The following CHRDL1 variants were observed in gnomAD, a reference collection of about 807,000 sequenced individuals.
CHRDL1 encodes the protein chordin like 1, also known as chordin-like protein 1.
In CHRDL1, 19 loss-of-function variants were observed where a neutral mutation model predicts 40.9. The ratio of observed to expected loss-of-function variants is 0.46; its 90% CI spans 0.32 to 0.68. The LOEUF is 0.68. Ranked by LOEUF, CHRDL1 falls within the 30% of genes least tolerant of loss-of-function variation. The pLI is 0.03. For missense variants in CHRDL1, 329 were observed against 352.1 expected (o/e 0.93, Z 0.53); for synonymous variants, 136 against 123.4 (o/e 1.10, Z -0.68).
Position 110,681,462 on chromosome X carries a change from A to C in CHRDL1, c.1156+20T>G. On this transcript the variant is annotated intron_variant, in intron 10 of 11. Coordinates refer to ENST00000372042, the MANE Select transcript of CHRDL1 (RefSeq NM_001143981.2). ...CTGTGCCCCCTTACAAAGATGAGAA[A>C]TTAATGTTGTCTTGCTCACCCTTTC... 8.4e-7 allele frequency: 1 copy of C among 1,191,791 alleles called. No individual in the cohort carries two copies. Among genetic ancestry groups the C allele is most frequent in the South Asian group, 1.8e-5 (1 of 54,901 alleles).
intron 6 of CHRDL1, among the ~76,000 whole-genome samples, chrX:110,714,059 C>T (rs760356092): frequency 9.2e-6 from 1 of 109,246 alleles, no homozygotes; most frequent in South Asian, 4.0e-4. Flanking sequence ...AAAAAAAAAA[C>T]TTTTATTTTA....
intron 2 of CHRDL1, among the ~76,000 whole-genome samples, chrX:110,772,493 G>T (rs2089776449): frequency 8.9e-6 from 1 of 112,429 alleles, no homozygotes; most frequent in African/African-American, 3.2e-5. Flanking sequence ...ACAAAAATTA[G>T]CCAGGCATGG....
At chrX:110,723,615 A>C (rs1253961677) in intron 4 of CHRDL1, among the ~76,000 whole-genome samples, 1 of 111,600 alleles carries the variant, frequency 9.0e-6, no homozygotes, top group Non-Finnish European at 1.9e-5. Flanking sequence ...CACTATCAAA[A>C]AAAGTGCCAA....
chrX:110,778,755 C>T (rs922662531), intron 2 of CHRDL1, among the ~76,000 whole-genome samples: 4 of 111,858 alleles, frequency 3.6e-5, no homozygotes, highest in Non-Finnish European at 7.6e-5. Flanking sequence ...ATTGGGTATA[C>T]ACCCAAAGGA....
chrX:110,793,466 C>T (rs953266897), intron 1 of CHRDL1, among the ~76,000 whole-genome samples: 2 of 112,021 alleles, frequency 1.8e-5, no homozygotes, highest in African/African-American at 3.2e-5. Context: ...TCTCTCAGGA[C>T]ATGTTCCTAC....
intron 1 of CHRDL1, among the ~76,000 whole-genome samples, chrX:110,794,312 C>A (rs982278749): frequency 1.8e-5 from 2 of 112,018 alleles, no homozygotes; most frequent in African/African-American, 6.5e-5. Flanking sequence ...GGAGTTATTT[C>A]TGCATTAACT....
At chrX:110,726,087 A>G in intron 4 of CHRDL1, among the ~76,000 whole-genome samples, 1 of 111,475 alleles carries the variant, frequency 9.0e-6, no homozygotes, top group African/African-American at 3.3e-5. Context: ...AAGGCCTTGA[A>G]AGAAACCCCT....
intron 2 of CHRDL1, among the ~76,000 whole-genome samples, chrX:110,782,747 C>G (rs1305994825): frequency 1.8e-5 from 2 of 112,241 alleles, no homozygotes; most frequent in Non-Finnish European, 3.8e-5. Flanking sequence ...ATTACCCCAG[C>G]TAAAAGTTAT....
chrX:110,783,252 C>T (rs1051516757), intron 2 of CHRDL1, among the ~76,000 whole-genome samples: 1 of 111,853 alleles, frequency 8.9e-6, no homozygotes, highest in Non-Finnish European at 1.9e-5. Context: ...CTCAGCATCC[C>T]GAGTAGCTGG....
chrX:110,709,424 C>T (rs1679854), intron 6 of CHRDL1, among the ~76,000 whole-genome samples: 9,382 of 111,910 alleles, frequency 0.084, 899 homozygotes, highest in African/African-American at 0.28. Context: ...AAGATAACTG[C>T]ATGCCTGCAC....
At chrX:110,756,614 T>C (rs1177320485) in intron 4 of CHRDL1, among the ~76,000 whole-genome samples, 3 of 111,421 alleles carry the variant, frequency 2.7e-5, no homozygotes, top group African/African-American at 6.5e-5. Flanking sequence ...CATTAATATA[T>C]GACCTGGTTT....
chrX:110,742,839 A>G (rs758502506), intron 4 of CHRDL1, among the ~76,000 whole-genome samples: 1 of 111,565 alleles, frequency 9.0e-6, no homozygotes, highest in Non-Finnish European at 1.9e-5. Context: ...CTGAAAAAAA[A>G]TATCTTTTCA....
chrX:110,786,462 C>T (rs770345076), intron 2 of CHRDL1, among the ~76,000 whole-genome samples: 3 of 111,781 alleles, frequency 2.7e-5, no homozygotes, highest in Non-Finnish European at 5.6e-5. Context: ...CCAGGGCCTT[C>T]GTTTCCCTTG....
At position 110,762,724 on chromosome X, in the gene CHRDL1, C is replaced by T. The variant is rs781745771; in HGVS notation, c.178G>A (p.Val60Ile). 4 of 1,186,328 alleles carry T rather than the reference C, an allele frequency of 3.4e-6. No homozygotes were observed. The highest frequency in any genetic ancestry group is 3.6e-5 in the South Asian group (2 of 55,443). ...GAGCAGATGCAGTTCACGCAGTAAACCAACCCATAAGGTTCCAGGTAAGGA... is the reference window on the plus strand; with the variant it reads ...GAGCAGATGCAGTTCACGCAGTAAATCAACCCATAAGGTTCCAGGTAAGGA... ...WHPYLEPYGL[V>I]YCVNCICSEN... Residue 60 changes from valine to isoleucine, a missense_variant, in exon 3 of 12, where the codon GTT (valine) becomes ATT (isoleucine). Physicochemically the swap from Val to Ile is conservative, Grantham distance 29. Transcript: ENST00000372042.
rs1459171714 is a variant in CHRDL1 at position 110,678,378 on chromosome X, A to G, written c.1246+958T>C. Among the ~76,000 whole-genome samples the G allele has an allele frequency of 3.1e-4, 35 of 111,490 alleles. No individual in the cohort carries two copies. In the Admixed American group the frequency reaches 3.3e-3, roughly 11 times the overall value. On this transcript the variant is annotated intron_variant, in intron 11 of 11. Transcript: ENST00000372042. ...TTTTACTGGCTTTTTTTCAGGCCCT[A>G]TGACTACTTTCTACCTCCAAATCTT...
At chrX:110,789,674 T>C (rs760727437) in intron 2 of CHRDL1, among the ~76,000 whole-genome samples, 1 of 111,906 alleles carries the variant, frequency 8.9e-6, no homozygotes, top group East Asian at 2.8e-4. Context: ...TAATATCCTA[T>C]TTTTGTAAAA....
chrX:110,740,785 T>C (rs1264709374), intron 4 of CHRDL1, among the ~76,000 whole-genome samples: 2 of 112,063 alleles, frequency 1.8e-5, no homozygotes, highest in African/African-American at 3.2e-5. Context: ...TGAAACTAAG[T>C]CTCAGCTACT....
At chrX:110,747,473 A>G (rs747110923) in intron 4 of CHRDL1, among the ~76,000 whole-genome samples, 1 of 110,726 alleles carries the variant, frequency 9.0e-6, no homozygotes, top group East Asian at 2.8e-4. Context: ...AATGCAAACA[A>G]GTAGACAAAT....
chrX:110,756,386 T>C (rs1200090239), intron 4 of CHRDL1, among the ~76,000 whole-genome samples: 2 of 111,221 alleles, frequency 1.8e-5, no homozygotes, highest in Admixed American at 1.9e-4. Context: ...TGGCTTCCCA[T>C]GTGAAGTTGG....
Sources: allele counts gnomAD v4.1 joint callset (sites outside exome capture counted in the v4.1 genomes callset), GRCh38; gene constraint gnomAD v4.1.1; transcripts MANE v1.5; gene names NCBI Gene and HGNC (gene_info 2026-07-23, HGNC 2026-07-21).